The following ITGA11 variants were observed in gnomAD, a reference collection of about 807,000 sequenced individuals.
The protein encoded by ITGA11 is integrin subunit alpha 11.
In ITGA11, 97 loss-of-function variants were observed where a neutral mutation model predicts 141.9. The observed-to-expected ratio is 0.68, with a 90% confidence interval of 0.58 to 0.81. The LOEUF is 0.81. ITGA11 is among the 30% of genes least tolerant of loss of function. The pLI is 0.00. For synonymous variants in ITGA11, 658 were observed against 624.6 expected, an observed-to-expected ratio of 1.05 and a Z score of -0.80; for missense variants, 1,387 against 1,559.2, an observed-to-expected ratio of 0.89 and a Z score of 1.86.
At chr15:68,313,274 C>T (rs7168991) in intron 23 of ITGA11, among the ~76,000 whole-genome samples, 13,788 of 149,070 alleles carry the variant, frequency 0.092, 781 homozygotes, top group African/African-American at 0.17. Flanking sequence ...CATGAGCTCT[C>T]AGAGGACAGG....
chr15:68,405,100 G>A (rs915016723), intron 1 of ITGA11, among the ~76,000 whole-genome samples: 1 of 149,740 alleles, frequency 6.7e-6, no homozygotes, highest in Admixed American at 6.7e-5. Context: ...TGAAGCCCTG[G>A]GGCACCTACT....
At chr15:68,400,446 T>C (rs2140407302) in intron 2 of ITGA11, among the ~76,000 whole-genome samples, 1 of 146,518 alleles carries the variant, frequency 6.8e-6, no homozygotes, top group South Asian at 2.1e-4. Context: ...AGGACTTCTG[T>C]TTATCAAAAG....
At chr15:68,427,496 G>C (rs1037350684) in intron 1 of ITGA11, among the ~76,000 whole-genome samples, 3 of 152,262 alleles carry the variant, frequency 2.0e-5, no homozygotes, top group East Asian at 3.9e-4. Context: ...CTGCTGCTTG[G>C]TGAGTGCTTC....
chr15:68,368,860 CTT>C (rs34788905), intron 3 of ITGA11, among the ~76,000 whole-genome samples: 5 of 134,838 alleles, frequency 3.7e-5, no homozygotes, highest in Middle Eastern at 7.5e-3. Flanking sequence ...ACAGGAAGTC[CTT>C]TTTTTTTTTT....
At position 68,322,215 on chromosome 15, in the gene ITGA11, T is replaced by A. The variant is rs188734278; in HGVS notation, c.2323-712A>T. ...AGGAAGAGATGGTCAGGGGCCTGTG[T>A]TTACAGGGCCTTGGGGTCATTCCTT... On this transcript the variant is annotated intron_variant, in intron 18 of 29. Coordinates refer to ENST00000315757, the MANE Select transcript of ITGA11 (RefSeq NM_001004439.2). The surrounding 1 kb of genome is among the most constrained non-coding windows in gnomAD (Gnocchi z 5.6). Among the ~76,000 whole-genome samples, 1 of 152,216 alleles carries A rather than the reference T, an allele frequency of 6.6e-6. No individual in the cohort carries two copies. The highest frequency in any genetic ancestry group is 1.5e-5 in the Non-Finnish European group (1 of 67,980).
rs751194656 is a variant in ITGA11, at chr15:68,325,272, G to A, written c.2212-31C>T. On this transcript the variant is annotated intron_variant, in intron 17 of 29. Coordinates refer to ENST00000315757, the MANE Select transcript of ITGA11 (RefSeq NM_001004439.2). The surrounding 1 kb of genome is among the most constrained non-coding windows in gnomAD (Gnocchi z 5.5). ...GGGTGGAGATGAGGGCAGCGGTGAG[G>A]GAGGAGAGAACGTCATTTTATGAGC... 2.1e-6 allele frequency: 3 copies of A among 1,448,952 alleles called. No homozygotes were observed. The highest frequency in any genetic ancestry group is 1.1e-5 in the South Asian group (1 of 87,736). 89.8% of individuals were successfully genotyped at this position (1,448,952 alleles called of 1,614,324 possible).
At chr15:68,361,477 A>T in intron 5 of ITGA11, 113 bp downstream of exon 5, 2 of 687,658 alleles carry the variant, frequency 2.9e-6, no homozygotes, top group Non-Finnish European at 5.2e-6. Flanking sequence ...CTGGGGCAGG[A>T]CAGTGCTAGA....
intron 2 of ITGA11, among the ~76,000 whole-genome samples, chr15:68,384,913 C>A (rs1895946996): frequency 6.6e-6 from 1 of 152,242 alleles, no homozygotes; most frequent in African/African-American, 2.4e-5. Flanking sequence ...TGAAAAAGGG[C>A]AGACTTGTGT....
intron 16 of ITGA11, among the ~76,000 whole-genome samples, chr15:68,327,508 T>C (rs1304361691): frequency 6.6e-6 from 1 of 152,184 alleles, no homozygotes; most frequent in Non-Finnish European, 1.5e-5. Flanking sequence ...GCTGAGAGAC[T>C]CCCTGAGTCC....
intron 9 of ITGA11, among the ~76,000 whole-genome samples, chr15:68,350,288 G>A (rs1022405860): frequency 2.6e-5 from 4 of 152,130 alleles, no homozygotes; most frequent in African/African-American, 7.2e-5. Context: ...AGGCTCAAGC[G>A]ATCCTCCCAC....
intron 1 of ITGA11, among the ~76,000 whole-genome samples, chr15:68,428,971 C>G (rs1023511169): frequency 6.6e-6 from 1 of 152,166 alleles, no homozygotes; most frequent in South Asian, 2.1e-4. Context: ...GCATGTATGT[C>G]TCCTCTGATT....
chr15:68,406,476 C>T (rs1211431389), intron 1 of ITGA11, among the ~76,000 whole-genome samples: 2 of 152,144 alleles, frequency 1.3e-5, no homozygotes, highest in African/African-American at 4.8e-5. Flanking sequence ...CCCATACCTG[C>T]AAGGCTCTCT....
chr15:68,415,912 A>G (rs915757593), intron 1 of ITGA11, among the ~76,000 whole-genome samples: 2 of 152,162 alleles, frequency 1.3e-5, no homozygotes, highest in Non-Finnish European at 2.9e-5. Context: ...CTTGATATTC[A>G]TCCAAGAAGG....
At chr15:68,361,732 C>G in intron 4 of ITGA11, 28 bp from the exon 5 acceptor site, 1 of 1,493,620 alleles carries the variant, frequency 6.7e-7, no homozygotes, top group African/African-American at 1.4e-5. Flanking sequence ...GATCCCCAGT[C>G]AGTGAGGGGA....
intron 2 of ITGA11, among the ~76,000 whole-genome samples, chr15:68,401,784 T>C (rs1896517158): frequency 6.6e-6 from 1 of 152,174 alleles, no homozygotes; most frequent in African/African-American, 2.4e-5. Context: ...GTGTATATCA[T>C]GGAAGTTCGT....
chr15:68,405,160 T>G (rs72745269), intron 1 of ITGA11, among the ~76,000 whole-genome samples: 1 of 1,666 alleles, frequency 6.0e-4, no homozygotes. Context: ...ACTGTCTCCC[T>G]TTTTTTTTTT....
At chr15:68,365,696 CTCTTT>C (rs202198896) in intron 3 of ITGA11, among the ~76,000 whole-genome samples, 4 of 138,798 alleles carry the variant, frequency 2.9e-5, no homozygotes, top group African/African-American at 1.0e-4. Context: ...CTTTTCTTTT[CTCTTT>C]TCTTTTTTTT....
intron 11 of ITGA11, among the ~76,000 whole-genome samples, chr15:68,338,215 C>T (rs1311859447): frequency 3.9e-5 from 6 of 152,240 alleles, no homozygotes; most frequent in African/African-American, 1.2e-4. Flanking sequence ...GGTTGCTAGC[C>T]TTTGTTCTTC....
rs752248227 is a variant in ITGA11 at position 68,369,234 on chromosome 15, T to C, written c.215A>G (p.Asp72Gly). ...LETNGYQKTG[D>G]VYKCPVIHGN... is the part of the protein sequence containing the mutation. ...GTGGATCACTGGACACTTGTACACG[T>C]CTCCCGTCTTCTGGTAGCCATTGGT... The change falls in exon 3 of 30, where the codon GAC becomes GGC. Residue 72 changes from aspartate (D) to glycine (G), a missense_variant. Asp to Gly is a moderately conservative substitution (Grantham distance 94). Coordinates refer to ENST00000315757, the MANE Select transcript of ITGA11 (RefSeq NM_001004439.2). 1 of 1,613,914 alleles carries C rather than the reference T, an allele frequency of 6.2e-7. No individual in the cohort carries two copies. The highest frequency in any genetic ancestry group is 1.1e-5 in the South Asian group (1 of 91,074).
Sources: allele counts gnomAD v4.1 joint callset (sites outside exome capture counted in the v4.1 genomes callset), GRCh38; gene constraint gnomAD v4.1.1; non-coding constraint Gnocchi (gnomAD v3.1); transcripts MANE v1.5; gene names NCBI Gene and HGNC (gene_info 2026-07-23, HGNC 2026-07-21).